ALMS1: variants seen among roughly 807,000 people sequenced by gnomAD.
ALMS1 encodes the protein ALMS1 centrosome and basal body associated protein, also known as centrosome-associated protein ALMS1.
Under a neutral mutation model 352.2 loss-of-function variants are expected in ALMS1, and 271 were observed. The observed-to-expected ratio is 0.77, with a 90% CI of 0.70 to 0.85. ALMS1 has a LOEUF of 0.85. Ranked by LOEUF, ALMS1 falls within the 40% of genes least tolerant of loss-of-function variation. The pLI is 0.00. For synonymous variants in ALMS1, 1,865 were observed against 1,761.2 expected, an observed-to-expected ratio of 1.06 and a Z score of -1.48; for missense variants, 5,445 against 4,870.7, an observed-to-expected ratio of 1.12 and a Z score of -3.51.
chr2:73,408,414 G>A (rs1375486048), intron 1 of ALMS1, among the ~76,000 whole-genome samples: 1 of 152,180 alleles, frequency 6.6e-6, no homozygotes, highest in South Asian at 2.1e-4. Context: ...GGAGGTTAAG[G>A]AACTGCTGTG....
At position 73,600,840 on chromosome 2, in the gene ALMS1, A is replaced by G; in HGVS notation, c.11831A>G (p.Glu3944Gly). The change falls in exon 18 of 23, where the codon GAG (glutamate) becomes GGG (glycine). Residue 3944 changes from glutamate to glycine, a missense_variant. Physicochemically the swap from Glu to Gly is moderately conservative, Grantham distance 98 (BLOSUM62 -2). Transcript: ENST00000613296. Reference sequence around the variant, plus strand: ...AAAATGCTCTTTACCGGTTATCCTGAGGACAGAAAGTTAAAAAAGAACAAG... The same window carrying G: ...AAAATGCTCTTTACCGGTTATCCTGGGGACAGAAAGTTAAAAAAGAACAAG... ...EEKMLFTGYP[E>G]DRKLKKNKKN... The G allele has an allele frequency of 6.2e-7, 1 of 1,614,190 alleles. No individual in the cohort carries two copies. The highest frequency in any genetic ancestry group is 8.5e-7 in the Non-Finnish European group (1 of 1,180,022).
intron 12 of ALMS1, 68 bp downstream of exon 12, chr2:73,535,017 T>C (rs557000539): frequency 6.3e-7 from 1 of 1,593,996 alleles, no homozygotes; most frequent in South Asian, 1.1e-5. Flanking sequence ...TAGTTGATTC[T>C]GGAGTGACAA....
chr2:73,565,992 A>G (rs1473772252), intron 15 of ALMS1, among the ~76,000 whole-genome samples: 2 of 152,342 alleles, frequency 1.3e-5, no homozygotes, highest in South Asian at 2.1e-4. Flanking sequence ...AAGGCAACAC[A>G]AAGTATGGCC....
At chr2:73,464,030 G>A (rs1439190901) in intron 9 of ALMS1, among the ~76,000 whole-genome samples, 2 of 152,168 alleles carry the variant, frequency 1.3e-5, no homozygotes, top group Admixed American at 6.5e-5. Context: ...AGAGGAGCTG[G>A]TACCATTCCT....
At chr2:73,529,543 C>T (rs896002847) in intron 11 of ALMS1, among the ~76,000 whole-genome samples, 1 of 152,104 alleles carries the variant, frequency 6.6e-6, no homozygotes, top group African/African-American at 2.4e-5. Context: ...TTTGTTTATA[C>T]CCATCCTTCT....
intron 9 of ALMS1, among the ~76,000 whole-genome samples, chr2:73,489,075 A>G (rs1047158746): frequency 8.5e-5 from 13 of 152,242 alleles, no homozygotes; most frequent in African/African-American, 3.1e-4. Context: ...GCTGTCTTAC[A>G]CATGACTTCC....
At chr2:73,520,860 C>T (rs578234966) in intron 11 of ALMS1, among the ~76,000 whole-genome samples, 1 of 152,060 alleles carries the variant, frequency 6.6e-6, no homozygotes, top group Non-Finnish European at 1.5e-5. Flanking sequence ...GAGTAAGTAG[C>T]AGGAAAATTA....
chr2:73,402,470 C>T (rs1305616852), intron 1 of ALMS1, among the ~76,000 whole-genome samples: 1 of 151,646 alleles, frequency 6.6e-6, no homozygotes, highest in Non-Finnish European at 1.5e-5. Flanking sequence ...GGCGGGGTTT[C>T]GTCATGTTGG....
chr2:73,465,105 G>T (rs186570526), intron 9 of ALMS1, among the ~76,000 whole-genome samples: 1 of 147,498 alleles, frequency 6.8e-6, no homozygotes, highest in Non-Finnish European at 1.5e-5. Flanking sequence ...TCAAGCTACC[G>T]GTGACTTTCT....
chr2:73,426,837 G>A (rs759603320), intron 6 of ALMS1, among the ~76,000 whole-genome samples: 8 of 152,062 alleles, frequency 5.3e-5, no homozygotes, highest in Non-Finnish European at 7.4e-5. Flanking sequence ...TTTTTTTCTG[G>A]GCGGGGAGGG....
chr2:73,441,684 T>C (rs1308130598), intron 7 of ALMS1, among the ~76,000 whole-genome samples: 1 of 152,054 alleles, frequency 6.6e-6, no homozygotes, highest in Non-Finnish European at 1.5e-5. Flanking sequence ...GCCTCAGATA[T>C]AAGAGAGTTA....
intron 7 of ALMS1, among the ~76,000 whole-genome samples, chr2:73,444,746 C>T (rs893186468): frequency 1.3e-5 from 2 of 152,108 alleles, no homozygotes; most frequent in Non-Finnish European, 2.9e-5. Flanking sequence ...GTTATATTTA[C>T]GTCCACTGTG....
chr2:73,489,622 T>C lies in ALMS1; in HGVS notation c.7675-12T>C. 1 of 1,614,094 alleles carries C rather than the reference T, an allele frequency of 6.2e-7. No homozygotes were observed. The highest frequency in any genetic ancestry group is 8.5e-7 in the Non-Finnish European group (1 of 1,180,012). Reference sequence around the variant, plus strand: ...TACTTCAAATAAGAACCTGTTTGTTTGTATCTTCTAGGGTTTACAGAGTCC... The same window carrying C: ...TACTTCAAATAAGAACCTGTTTGTTCGTATCTTCTAGGGTTTACAGAGTCC... On this transcript the variant is annotated splice_polypyrimidine_tract_variant and intron_variant, in intron 9 of 22. Coordinates refer to ENST00000613296, the MANE Select transcript of ALMS1 (RefSeq NM_001378454.1).
At position 73,600,689 on chromosome 2, in the gene ALMS1, A is replaced by G. The variant is rs1675658974; in HGVS notation, c.11680A>G (p.Ile3894Val). Reference sequence around the variant, plus strand: ...ATCCTTCCCCTCAGGTAACTTGGAGATTGTGAACGGTGCCAAAAAACACAC... The same window carrying G: ...ATCCTTCCCCTCAGGTAACTTGGAGGTTGTGAACGGTGCCAAAAAACACAC... ...NKGIQAGNLE[I>V]VNGAKKHTRD... Residue 3894 changes from isoleucine to valine, a missense_variant, in exon 18 of 23, where the codon ATT becomes GTT. By Grantham distance (29) the Ile-to-Val change is conservative. Transcript: ENST00000613296. 1.2e-6 allele frequency: 2 copies of G among 1,613,524 alleles called. No individual in the cohort carries two copies. Among genetic ancestry groups the G allele is most frequent in the African/African-American group, 1.3e-5 (1 of 75,022 alleles).
chr2:73,591,337 T>C (rs1028188959), intron 16 of ALMS1, among the ~76,000 whole-genome samples: 3 of 152,194 alleles, frequency 2.0e-5, no homozygotes, highest in East Asian at 3.8e-4. Context: ...TTTGTGTGTA[T>C]AGGTATAAAT....
chr2:73,545,473 AC>A (rs1488303896), intron 12 of ALMS1, among the ~76,000 whole-genome samples: 1 of 152,178 alleles, frequency 6.6e-6, no homozygotes, highest in Non-Finnish European at 1.5e-5. Flanking sequence ...GAGCCACCGC[AC>A]GTGGTCATGG....
chr2:73,524,090 T>C (rs1673741178), intron 11 of ALMS1, among the ~76,000 whole-genome samples: 1 of 152,064 alleles, frequency 6.6e-6, no homozygotes, highest in East Asian at 1.9e-4. Context: ...GAAACACTAA[T>C]CCTTTTTGTA....
At chr2:73,523,245 T>C (rs1290423960) in intron 11 of ALMS1, among the ~76,000 whole-genome samples, 1 of 152,230 alleles carries the variant, frequency 6.6e-6, no homozygotes, top group Non-Finnish European at 1.5e-5. Context: ...AATAGCTTGC[T>C]CACTTTATTT....
At chr2:73,528,665 T>G (rs1317141140) in intron 11 of ALMS1, among the ~76,000 whole-genome samples, 1 of 151,818 alleles carries the variant, frequency 6.6e-6, no homozygotes, top group Non-Finnish European at 1.5e-5. Flanking sequence ...GGTCTTGTTT[T>G]TTTTTGCATT....
Sources: allele counts gnomAD v4.1 joint callset (sites outside exome capture counted in the v4.1 genomes callset), GRCh38; gene constraint gnomAD v4.1.1; transcripts MANE v1.5; gene names NCBI Gene and HGNC (gene_info 2026-07-23, HGNC 2026-07-21).